Variants in ATP13A4 observed in about 807,000 individuals in gnomAD.
The protein encoded by ATP13A4 is probable cation-transporting ATPase 13A4.
In ATP13A4, 114 loss-of-function variants were observed where a neutral mutation model predicts 142.5. The ratio of observed to expected loss-of-function variants is 0.80; its 90% CI spans 0.69 to 0.93. The LOEUF (loss-of-function observed/expected upper bound fraction) is 0.93. ATP13A4 is among the 40% of genes least tolerant of loss of function. The pLI, the probability that ATP13A4 is intolerant of heterozygous loss-of-function variation, is 0.00. For missense variants in ATP13A4, 1,392 were observed against 1,454.0 expected (o/e 0.96, Z 0.69); for synonymous variants, 488 against 514.8 (o/e 0.95, Z 0.70).
intron 1 of ATP13A4, among the ~76,000 whole-genome samples, chr3:193,517,355 G>A (rs1279351958): frequency 1.3e-5 from 2 of 152,250 alleles, no homozygotes; most frequent in African/African-American, 4.8e-5. Context: ...GTTACATGGA[G>A]AGATAACCAT....
chr3:193,431,020 A>T (rs1715941833), intron 25 of ATP13A4, among the ~76,000 whole-genome samples: 1 of 152,048 alleles, frequency 6.6e-6, no homozygotes, highest in Admixed American at 6.6e-5. Context: ...GAGGGGGGGA[A>T]TCACAGTACG....
At chr3:193,519,235 T>C (rs774525226) in intron 1 of ATP13A4, among the ~76,000 whole-genome samples, 2 of 152,192 alleles carry the variant, frequency 1.3e-5, no homozygotes, top group Non-Finnish European at 1.5e-5. Context: ...TAAAAGAGGA[T>C]TGACACTTAA....
At chr3:193,449,944 A>C (rs1717177503) in intron 17 of ATP13A4, among the ~76,000 whole-genome samples, 1 of 151,940 alleles carries the variant, frequency 6.6e-6, no homozygotes, top group African/African-American at 2.4e-5. Flanking sequence ...ACATGGAGAA[A>C]TCCCATCCCT....
chr3:193,501,587 TAAA>T (rs149104526), intron 3 of ATP13A4, among the ~76,000 whole-genome samples: 3 of 125,998 alleles, frequency 2.4e-5, no homozygotes, highest in African/African-American at 2.9e-5. Context: ...AAACTCCATT[TAAA>T]AAAAAAAAAA....
upstream of ATP13A4, among the ~76,000 whole-genome samples, chr3:193,557,344 G>A (rs1039224167): frequency 1.3e-5 from 2 of 152,164 alleles, no homozygotes; most frequent in South Asian, 2.1e-4. Context: ...AGATTTTATC[G>A]ATGGCAACAC....
chr3:193,424,770 T>A (rs944692528), intron 25 of ATP13A4, among the ~76,000 whole-genome samples: 3 of 149,586 alleles, frequency 2.0e-5, no homozygotes, highest in East Asian at 4.1e-4. Flanking sequence ...TGGGCAATAA[T>A]TTTTTTGCTA....
intron 29 of ATP13A4, chr3:193,403,775 T>C (rs978297793): frequency 9.1e-6 from 9 of 985,172 alleles, no homozygotes; most frequent in African/African-American, 5.2e-5. Flanking sequence ...CTCACAAAGA[T>C]TGACCATCTT....
At chr3:193,503,504 G>A (rs1720675559) in intron 2 of ATP13A4, among the ~76,000 whole-genome samples, 1 of 152,138 alleles carries the variant, frequency 6.6e-6, no homozygotes, top group South Asian at 2.1e-4. Flanking sequence ...CAGGATTCAA[G>A]AAGTATAACA....
At chr3:193,494,155 G>A (rs1181543577) in intron 3 of ATP13A4, among the ~76,000 whole-genome samples, 1 of 152,000 alleles carries the variant, frequency 6.6e-6, no homozygotes, top group East Asian at 1.9e-4. Flanking sequence ...ACCAAAGGGA[G>A]AAATGGACTG....
At chr3:193,469,489 G>A (rs1718494090) in intron 9 of ATP13A4, among the ~76,000 whole-genome samples, 1 of 152,174 alleles carries the variant, frequency 6.6e-6, no homozygotes, top group African/African-American at 2.4e-5. Context: ...AGCCAGGCAT[G>A]GTGGTGCACA....
intron 2 of ATP13A4, among the ~76,000 whole-genome samples, chr3:193,574,195 T>C (rs1426440687): frequency 6.6e-6 from 1 of 152,196 alleles, no homozygotes; most frequent in Non-Finnish European, 1.5e-5. Flanking sequence ...GAAAATTACA[T>C]ATAAAAAAGA....
At chr3:193,558,835 C>G (rs1723956585), upstream of ATP13A4, among the ~76,000 whole-genome samples, 1 of 152,126 alleles carries the variant, frequency 6.6e-6, no homozygotes, top group Non-Finnish European at 1.5e-5. Flanking sequence ...TGATTCTCTC[C>G]CTGAACTCAT....
chr3:193,439,711 T>G (rs1463794991), intron 21 of ATP13A4, among the ~76,000 whole-genome samples: 1 of 152,224 alleles, frequency 6.6e-6, no homozygotes, highest in Non-Finnish European at 1.5e-5. Flanking sequence ...ACAAGGACTA[T>G]TGAGAGCCAA....
intron 25 of ATP13A4, among the ~76,000 whole-genome samples, chr3:193,417,559 A>G (rs1486678205): frequency 6.6e-6 from 1 of 152,366 alleles, no homozygotes; most frequent in East Asian, 1.9e-4. Context: ...ATGTAATTTA[A>G]AAACCCACAG....
intron 1 of ATP13A4, among the ~76,000 whole-genome samples, chr3:193,517,659 T>C (rs1047253878): frequency 6.6e-6 from 1 of 151,708 alleles, no homozygotes. Context: ...TTTTTTTGTA[T>C]TTTTTTAGTA....
chr3:193,549,276 T>C (rs1334691738), intron 1 of ATP13A4, among the ~76,000 whole-genome samples: 1 of 150,702 alleles, frequency 6.6e-6, no homozygotes, highest in Non-Finnish European at 1.5e-5. Context: ...TAAATAAATA[T>C]CTAAGTACAA....
chr3:193,558,838 G>A (rs1723956652), upstream of ATP13A4, among the ~76,000 whole-genome samples: 1 of 152,160 alleles, frequency 6.6e-6, no homozygotes, highest in Non-Finnish European at 1.5e-5. Flanking sequence ...TTCTCTCCCT[G>A]AACTCATTTT....
chr3:193,527,568 C>T (rs909461016), intron 1 of ATP13A4, among the ~76,000 whole-genome samples: 4 of 150,934 alleles, frequency 2.7e-5, no homozygotes, highest in African/African-American at 7.3e-5. Flanking sequence ...GCTGAGATCA[C>T]GCCACTGCAC....
intron 2 of ATP13A4, among the ~76,000 whole-genome samples, chr3:193,505,788 G>A (rs1030059708): frequency 5.9e-5 from 9 of 152,134 alleles, no homozygotes; most frequent in Non-Finnish European, 1.2e-4. Flanking sequence ...AGTGTGAAGT[G>A]GTCACTTCAG....
Sources: gnomAD v4.1 joint callset for allele counts (sites outside exome capture counted in the v4.1 genomes callset) on GRCh38, gnomAD v4.1.1 for gene constraint, MANE v1.5 for transcripts, NCBI Gene and HGNC (gene_info 2026-07-23, HGNC 2026-07-21) for gene names.